The following LHFPL3 variants were observed in gnomAD, a reference collection of about 807,000 sequenced individuals.
The protein encoded by LHFPL3 is LHFPL tetraspan subfamily member 3, also known as LHFPL tetraspan subfamily member 3 protein.
LHFPL3 carries 5 observed loss-of-function variants against 19.3 expected under a neutral mutation model. That is an observed-to-expected ratio of 0.26 (90% CI 0.14 to 0.54). The LOEUF (loss-of-function observed/expected upper bound fraction) is 0.54, where lower values mean the gene tolerates loss of function less well. LHFPL3 is among the 20% of genes least tolerant of loss of function. The probability of loss-of-function intolerance (pLI) is 0.94; values close to 1 mark genes in which losing one functional copy is unlikely to be tolerated. For synonymous variants in LHFPL3, 133 were observed against 126.2 expected, an observed-to-expected ratio of 1.05 and a Z score of -0.36; for missense variants, 249 against 307.4, an observed-to-expected ratio of 0.81 and a Z score of 1.42.
intron 2 of LHFPL3, among the ~76,000 whole-genome samples, chr7:104,738,382 G>A (rs532030023): frequency 2.0e-5 from 3 of 152,272 alleles, no homozygotes; most frequent in African/African-American, 7.2e-5. Flanking sequence ...AAATGTAATG[G>A]TAAGGAGAAT....
intron 2 of LHFPL3, among the ~76,000 whole-genome samples, chr7:104,739,602 CT>C: frequency 6.6e-6 from 1 of 151,464 alleles, no homozygotes; most frequent in Non-Finnish European, 1.5e-5. Context: ...TTTTTTTTTG[CT>C]GCTGTTCTTG....
At chr7:104,578,830 A>G (rs569391479) in intron 1 of LHFPL3, among the ~76,000 whole-genome samples, 8 of 152,328 alleles carry the variant, frequency 5.3e-5, no homozygotes, top group African/African-American at 1.9e-4. Flanking sequence ...TTCAACTGAG[A>G]TACAACTCAC....
At chr7:104,576,411 A>G (rs1463032900) in intron 1 of LHFPL3, among the ~76,000 whole-genome samples, 1 of 152,208 alleles carries the variant, frequency 6.6e-6, no homozygotes, top group South Asian at 2.1e-4. Context: ...CACTATTTAT[A>G]CTTAGATTGT....
chr7:104,863,014 A>T (rs1334201158), intron 2 of LHFPL3, among the ~76,000 whole-genome samples: 1 of 152,216 alleles, frequency 6.6e-6, no homozygotes, highest in Non-Finnish European at 1.5e-5. Flanking sequence ...TGTGGACGGC[A>T]GAGCCCAGTT....
At chr7:104,830,798 A>G (rs529233516) in intron 2 of LHFPL3, among the ~76,000 whole-genome samples, 6 of 151,932 alleles carry the variant, frequency 3.9e-5, no homozygotes, top group African/African-American at 1.2e-4. Flanking sequence ...TTGGCTTAGG[A>G]TTGACTTGGC....
intron 1 of LHFPL3, among the ~76,000 whole-genome samples, chr7:104,605,599 C>T (rs188387707): frequency 3.3e-5 from 5 of 152,278 alleles, no homozygotes; most frequent in Admixed American, 1.3e-4. Flanking sequence ...CACATTCCAA[C>T]GGGTACTCTG....
At chr7:104,566,956 G>A (rs1330346856) in intron 1 of LHFPL3, among the ~76,000 whole-genome samples, 3 of 152,178 alleles carry the variant, frequency 2.0e-5, no homozygotes, top group Admixed American at 1.3e-4. Flanking sequence ...TCTTCTTAAT[G>A]TATTTGTGGC....
At chr7:104,888,070 T>C (rs1184254162) in intron 2 of LHFPL3, among the ~76,000 whole-genome samples, 1 of 152,246 alleles carries the variant, frequency 6.6e-6, no homozygotes, top group Non-Finnish European at 1.5e-5. Context: ...AGAGCCACTG[T>C]GTCTACTCTT....
chr7:104,439,434 T>C (rs933384359), intron 1 of LHFPL3, among the ~76,000 whole-genome samples: 1 of 152,110 alleles, frequency 6.6e-6, no homozygotes, highest in African/African-American at 2.4e-5. Context: ...ATATATAGTA[T>C]ATATACACAT....
intron 1 of LHFPL3, among the ~76,000 whole-genome samples, chr7:104,450,571 CA>C (rs1406543002): frequency 6.6e-6 from 1 of 151,626 alleles, no homozygotes; most frequent in East Asian, 1.9e-4. Flanking sequence ...CAGGGCCTGA[CA>C]GGGGGTGGGG....
chr7:104,857,219 C>A (rs1389587774), intron 2 of LHFPL3, among the ~76,000 whole-genome samples: 1 of 151,158 alleles, frequency 6.6e-6, no homozygotes, highest in Non-Finnish European at 1.5e-5. Context: ...GGAACGAAGG[C>A]TTTTTATTCA....
chr7:104,356,092 A>T (rs75006038), intron 1 of LHFPL3, among the ~76,000 whole-genome samples: 8,104 of 152,280 alleles, frequency 0.053, 323 homozygotes, highest in East Asian at 0.16. Flanking sequence ...TTGTATTAGG[A>T]TATAGCTTTT....
chr7:104,650,445 T>C (rs1053661078), intron 1 of LHFPL3, among the ~76,000 whole-genome samples: 15 of 152,186 alleles, frequency 9.9e-5, no homozygotes, highest in African/African-American at 3.6e-4. Flanking sequence ...AGCAGTCCCT[T>C]CAGGTGAGAG....
At chr7:104,825,753 G>C (rs1214450741) in intron 2 of LHFPL3, among the ~76,000 whole-genome samples, 1 of 151,842 alleles carries the variant, frequency 6.6e-6, no homozygotes, top group Non-Finnish European at 1.5e-5. Context: ...AGATAACCTT[G>C]TAATCATAAG....
chr7:104,571,346 T>A (rs956306290), intron 1 of LHFPL3, among the ~76,000 whole-genome samples: 3 of 152,210 alleles, frequency 2.0e-5, no homozygotes, highest in African/African-American at 7.2e-5. Context: ...TTCAGTTTTT[T>A]TTTCCCAATT....
intron 1 of LHFPL3, among the ~76,000 whole-genome samples, chr7:104,620,746 T>C (rs1791429701): frequency 2.0e-5 from 3 of 152,200 alleles, no homozygotes; most frequent in African/African-American, 7.2e-5. Flanking sequence ...ATGGCAATCA[T>C]TCCTGTGTGT....
At chr7:104,425,180 TG>T (rs1791820397) in intron 1 of LHFPL3, among the ~76,000 whole-genome samples, 1 of 151,078 alleles carries the variant, frequency 6.6e-6, no homozygotes, top group Non-Finnish European at 1.5e-5. Context: ...GTTGGGATAA[TG>T]GGAATGAGAT....
chr7:104,430,422 A>ATATATATG (rs1791961288), intron 1 of LHFPL3, among the ~76,000 whole-genome samples: 2 of 10,846 alleles, frequency 1.8e-4, no homozygotes, highest in Admixed American at 1.3e-3. Context: ...ATATATACAT[A>ATATATATG]TATATATATA....
intron 1 of LHFPL3, among the ~76,000 whole-genome samples, chr7:104,619,898 G>A (rs1405474841): frequency 6.6e-6 from 1 of 152,096 alleles, no homozygotes; most frequent in Non-Finnish European, 1.5e-5. Flanking sequence ...GGGATGAACT[G>A]TTCCACCTCA....
Sources: gnomAD v4.1 joint callset for allele counts (sites outside exome capture counted in the v4.1 genomes callset) on GRCh38, gnomAD v4.1.1 for gene constraint, MANE v1.5 for transcripts, NCBI Gene and HGNC (gene_info 2026-07-23, HGNC 2026-07-21) for gene names.